PRKCA: variants seen among roughly 807,000 people sequenced by gnomAD.
PRKCA encodes the protein protein kinase C alpha.
Under a neutral mutation model 87.0 loss-of-function variants are expected in PRKCA, and 27 were observed. The observed-to-expected ratio is 0.31, with a 90% CI of 0.23 to 0.43. The LOEUF (loss-of-function observed/expected upper bound fraction) is 0.43. PRKCA is among the 20% of genes least tolerant of loss of function. PRKCA has a pLI of 1.00. For synonymous variants in PRKCA, 329 were observed against 311.1 expected, an observed-to-expected ratio of 1.06 and a Z score of -0.61; for missense variants, 518 against 852.3, an observed-to-expected ratio of 0.61 and a Z score of 4.88.
intron 2 of PRKCA, among the ~76,000 whole-genome samples, chr17:66,337,001 G>A (rs1019065040): frequency 2.0e-5 from 3 of 152,074 alleles, no homozygotes; most frequent in African/African-American, 7.2e-5. Context: ...ATGTTGACCA[G>A]GCTGGTCTGG....
intron 5 of PRKCA, chr17:66,676,857 C>A (rs932176779): frequency 6.6e-6 from 1 of 152,206 alleles, no homozygotes; most frequent in African/African-American, 2.4e-5. Flanking sequence ...GACACACCCT[C>A]TCCCCCGACC....
chr17:66,379,171 A>G (rs539471176), intron 2 of PRKCA, among the ~76,000 whole-genome samples: 1 of 152,312 alleles, frequency 6.6e-6, no homozygotes, highest in East Asian at 1.9e-4. Flanking sequence ...GTATATACCT[A>G]GGACTGAAAT....
intron 3 of PRKCA, among the ~76,000 whole-genome samples, chr17:66,615,263 A>ATGTTT (rs1156847086): frequency 6.6e-6 from 1 of 152,038 alleles, no homozygotes; most frequent in East Asian, 1.9e-4. Flanking sequence ...AAGGGGAAAA[A>ATGTTT]TGTTTTCTTC....
At chr17:66,781,868 G>GATATATATATATATATATAT (rs1201713784) in intron 14 of PRKCA, among the ~76,000 whole-genome samples, 24 of 99,326 alleles carry the variant, frequency 2.4e-4, no homozygotes, top group African/African-American at 8.4e-4. Flanking sequence ...GAGAGAGAGA[G>GATATATATATATATATATAT]ATATATATAT....
chr17:66,323,317 G>T (rs1905791062), intron 2 of PRKCA, among the ~76,000 whole-genome samples: 1 of 152,162 alleles, frequency 6.6e-6, no homozygotes, highest in African/African-American at 2.4e-5. Context: ...GTTGATCTGG[G>T]TTATTTAGTT....
chr17:66,394,737 T>C (rs1910559898), intron 2 of PRKCA, among the ~76,000 whole-genome samples: 1 of 152,102 alleles, frequency 6.6e-6, no homozygotes, highest in African/African-American at 2.4e-5. Flanking sequence ...TGGGGCAGGT[T>C]CCCCCATGCT....
At position 66,701,371 on chromosome 17, in the gene PRKCA, G is replaced by C. The variant is rs1488010219; in HGVS notation, c.918+12324G>C. Among the ~76,000 whole-genome samples, 3 of 152,048 alleles carry C rather than the reference G, an allele frequency of 2.0e-5. No individual in the cohort carries two copies. The East Asian group carries it at 5.8e-4, about 29-fold the overall frequency. On this transcript the variant is annotated intron_variant, in intron 8 of 16. Coordinates refer to ENST00000413366, the MANE Select transcript of PRKCA (RefSeq NM_002737.3). The stretch of plus-strand genomic sequence containing the variant: ...AGAAGAAAACATACTTGGGGGGAAA[G>C]CTTCATGACATTGGTCTTGACAATG...
At chr17:66,497,924 G>A (rs370218781) in intron 3 of PRKCA, among the ~76,000 whole-genome samples, 2 of 152,320 alleles carry the variant, frequency 1.3e-5, no homozygotes, top group African/African-American at 4.8e-5. Context: ...GCTTGTGGAG[G>A]CAAGATAGAG....
At chr17:66,459,787 G>GT (rs1914763182) in intron 2 of PRKCA, among the ~76,000 whole-genome samples, 1 of 152,086 alleles carries the variant, frequency 6.6e-6, no homozygotes. Flanking sequence ...CGTTCAGTGC[G>GT]TAAGTATCAC....
intron 5 of PRKCA, among the ~76,000 whole-genome samples, chr17:66,680,749 C>G (rs1376334520): frequency 6.6e-6 from 1 of 152,078 alleles, no homozygotes; most frequent in Non-Finnish European, 1.5e-5. Context: ...GACCCATTGC[C>G]CAGCTAGAGC....
At chr17:66,624,681 A>G (rs551863339) in intron 3 of PRKCA, among the ~76,000 whole-genome samples, 1 of 152,152 alleles carries the variant, frequency 6.6e-6, no homozygotes, top group Admixed American at 6.5e-5. Context: ...AGGTGCCTGT[A>G]ATCCCAGCTA....
chr17:66,793,214 C>T lies in PRKCA; in HGVS notation c.1854+4235C>T, dbSNP rs191225060. ...TGAGGACGGTCAGCTCATTGAGGAC[C>T]GTCAGCTCAGTGAGGACCGTCAGCT... On this transcript the variant is annotated intron_variant, in intron 16 of 16. Transcript: ENST00000413366. Among the ~76,000 whole-genome samples the T allele has an allele frequency of 1.6e-3, 244 of 152,096 alleles. 1 individual carries two copies. Among genetic ancestry groups the T allele is most frequent in the Non-Finnish European group, 1.7e-3 (114 of 67,990 alleles).
intron 2 of PRKCA, among the ~76,000 whole-genome samples, chr17:66,411,559 C>T (rs1466405171): frequency 6.6e-6 from 1 of 152,200 alleles, no homozygotes; most frequent in Non-Finnish European, 1.5e-5. Flanking sequence ...CGGGAGTCTA[C>T]AAGACCAGAG....
At chr17:66,669,755 A>G (rs1368133407) in intron 5 of PRKCA, among the ~76,000 whole-genome samples, 2 of 152,142 alleles carry the variant, frequency 1.3e-5, no homozygotes, top group Non-Finnish European at 2.9e-5. Flanking sequence ...ACAAAAAATT[A>G]GCTGGGCATG....
intron 2 of PRKCA, among the ~76,000 whole-genome samples, chr17:66,371,968 G>T (rs1909138478): frequency 6.6e-6 from 1 of 152,234 alleles, no homozygotes; most frequent in Admixed American, 6.5e-5. Context: ...ATGTAGAAAA[G>T]TGAGACGCTG....
chr17:66,719,777 AAAAAT>A (rs1192317343), intron 8 of PRKCA, among the ~76,000 whole-genome samples: 2 of 152,382 alleles, frequency 1.3e-5, no homozygotes, highest in African/African-American at 4.8e-5. Flanking sequence ...AAAAATAAAT[AAAAAT>A]AAAATTATAG....
chr17:66,766,848 CAT>C (rs1325644716), intron 13 of PRKCA, among the ~76,000 whole-genome samples: 2 of 150,322 alleles, frequency 1.3e-5, no homozygotes, highest in Non-Finnish European at 3.0e-5. Flanking sequence ...CACCAAGTAA[CAT>C]AACATACACA....
intron 5 of PRKCA, among the ~76,000 whole-genome samples, chr17:66,666,960 C>A (rs751983322): frequency 1.2e-4 from 19 of 152,130 alleles, no homozygotes; most frequent in South Asian, 8.3e-4. Flanking sequence ...TAATCATGTG[C>A]TATGAAAATG....
At chr17:66,703,415 T>A (rs1973111695) in intron 8 of PRKCA, 1 of 152,190 alleles carries the variant, frequency 6.6e-6, no homozygotes, top group Admixed American at 6.5e-5. Context: ...GGAGCTGTCA[T>A]CACCCCTGAT....
Sources: gnomAD v4.1 joint callset for allele counts (sites outside exome capture counted in the v4.1 genomes callset) on GRCh38, gnomAD v4.1.1 for gene constraint, MANE v1.5 for transcripts, NCBI Gene and HGNC (gene_info 2026-07-23, HGNC 2026-07-21) for gene names.